GGACT: variants seen among roughly 807,000 people sequenced by gnomAD.
GGACT encodes gamma-glutamylamine cyclotransferase.
For missense variants in GGACT, 241 were observed against 233.2 expected (o/e 1.03, Z -0.22); for synonymous variants, 118 against 115.3 (o/e 1.02, Z -0.15).
chr13:100,561,101 G>T (rs899762756), intron 2 of GGACT, among the ~76,000 whole-genome samples: 1 of 152,222 alleles, frequency 6.6e-6, no homozygotes, highest in East Asian at 1.9e-4. Flanking sequence ...GCCCTCCTAA[G>T]TCTCATCAAG....
At chr13:100,547,665 A>C (rs2088620779) in intron 2 of GGACT, among the ~76,000 whole-genome samples, 1 of 152,180 alleles carries the variant, frequency 6.6e-6, no homozygotes, top group East Asian at 1.9e-4. Flanking sequence ...AAGCATTTCT[A>C]CAGATTTGTG....
intron 2 of GGACT, among the ~76,000 whole-genome samples, chr13:100,563,851 G>A (rs1219002020): frequency 6.6e-6 from 1 of 152,222 alleles, no homozygotes; most frequent in Non-Finnish European, 1.5e-5. Flanking sequence ...TAAAAACCAT[G>A]CTGGAAAGAG....
At position 100,532,444 on chromosome 13, in the gene GGACT, T is replaced by A; in HGVS notation, c.148A>T (p.Ile50Phe). The A allele has an allele frequency of 1.3e-6, 2 of 1,549,872 alleles. No homozygotes were observed. The highest frequency in any genetic ancestry group is 1.2e-5 in the South Asian group (1 of 84,048). Reference sequence around the variant, plus strand: ...CCGGGCAGGTGCAGCAGCCACGGGATGTTGTGCTCCCCCGCGATCACCAAC... The same window carrying A: ...CCGGGCAGGTGCAGCAGCCACGGGAAGTTGTGCTCCCCCGCGATCACCAAC... Reference protein sequence around the residue: ...YPLVIAGEHNIPWLLHLPGSG... With the variant: ...YPLVIAGEHNFPWLLHLPGSG... Residue 50 changes from isoleucine (I) to phenylalanine (F), a missense_variant, in exon 3 of 3, where the codon ATC (isoleucine) becomes TTC (phenylalanine). Ile to Phe is a conservative substitution (Grantham distance 21, BLOSUM62 0). Transcript: ENST00000683975.
intron 2 of GGACT, chr13:100,539,890 A>G (rs2088534943): frequency 3.7e-6 from 4 of 1,084,158 alleles, no homozygotes; most frequent in Non-Finnish European, 5.6e-6. Flanking sequence ...AGTCTTTAAG[A>G]ACTCAGCTCC....
At chr13:100,556,175 A>G (rs1179943902) in intron 2 of GGACT, among the ~76,000 whole-genome samples, 1 of 152,254 alleles carries the variant, frequency 6.6e-6, no homozygotes, top group Non-Finnish European at 1.5e-5. Flanking sequence ...CACTTCAGAA[A>G]GAAAGAAAAC....
At chr13:100,567,818 T>C (rs1249565901) in intron 2 of GGACT, among the ~76,000 whole-genome samples, 3 of 152,208 alleles carry the variant, frequency 2.0e-5, no homozygotes, top group Non-Finnish European at 4.4e-5. Context: ...ATAACTCTCT[T>C]CTTTGACACT....
intron 2 of GGACT, among the ~76,000 whole-genome samples, chr13:100,564,390 C>T (rs2088792331): frequency 6.6e-6 from 1 of 152,156 alleles, no homozygotes; most frequent in African/African-American, 2.4e-5. Context: ...CAACCTTCAC[C>T]TACATGGCAA....
At chr13:100,555,892 C>T (rs566383075) in intron 2 of GGACT, among the ~76,000 whole-genome samples, 5 of 152,282 alleles carry the variant, frequency 3.3e-5, no homozygotes, top group South Asian at 2.1e-4. Flanking sequence ...AACCACATGA[C>T]GATCTCAATA....
chr13:100,548,193 C>A (rs1165313413), intron 2 of GGACT, among the ~76,000 whole-genome samples: 1 of 152,246 alleles, frequency 6.6e-6, no homozygotes, highest in Non-Finnish European at 1.5e-5. Flanking sequence ...GCCACCTGTG[C>A]CTTTCTGCTG....
At chr13:100,566,135 A>T (rs1032663480) in intron 2 of GGACT, among the ~76,000 whole-genome samples, 1 of 152,228 alleles carries the variant, frequency 6.6e-6, no homozygotes, top group Non-Finnish European at 1.5e-5. Context: ...CAGTGCAGCC[A>T]GCACCTGAGT....
In GGACT at chr13:100,532,196, C is replaced by A; in HGVS notation, c.396G>T (p.Pro132=). 1 of 1,476,192 alleles carries A rather than the reference C, an allele frequency of 6.8e-7. No homozygotes were observed. Among genetic ancestry groups the A allele is most frequent in the Non-Finnish European group, 9.0e-7 (1 of 1,106,488 alleles). 91.4% of individuals were successfully genotyped at this position (1,476,192 alleles called of 1,614,324 possible). ...CCTCGGAGTCGTAGCTGTCATGGTG[C>A]GGGAGCTGGGCCCACTCCGGCGGGA... ...ATFPPEWAQL[P]HHDSYDSEGP... is the part of the protein sequence containing the mutation. Residue 132 remains proline (P), a synonymous_variant, in exon 3 of 3, where the codon CCG becomes CCT. Transcript: ENST00000683975.
rs759864478 is a variant in GGACT, at chr13:100,545,991, A to G, written c.-10-13390T>C. Among the ~76,000 whole-genome samples, 2 of 152,200 alleles carry G rather than the reference A, an allele frequency of 1.3e-5. No individual in the cohort carries two copies. Among genetic ancestry groups the G allele is most frequent in the African/African-American group, 2.4e-5 (1 of 41,438 alleles). On this transcript the variant is annotated intron_variant, in intron 2 of 2. Transcript: ENST00000683975. This position sits in a 1 kb window ranked among gnomAD's most constrained non-coding sequence, Gnocchi z 4.4. Reference sequence around the variant, plus strand: ...CCCCCTCTTTTCCTCCATCATCAGTAGGTGAAGGCAGACAGTGTTGATAGA... The same window carrying G: ...CCCCCTCTTTTCCTCCATCATCAGTGGGTGAAGGCAGACAGTGTTGATAGA...
At chr13:100,551,241 G>A (rs1381894931) in intron 2 of GGACT, among the ~76,000 whole-genome samples, 10 of 151,648 alleles carry the variant, frequency 6.6e-5, no homozygotes, top group Non-Finnish European at 1.2e-4. Context: ...CCGAGATCAC[G>A]CCACTGCACT....
chr13:100,542,991 TTTC>T (rs1465978806), intron 2 of GGACT, among the ~76,000 whole-genome samples: 1 of 152,154 alleles, frequency 6.6e-6, no homozygotes, highest in African/African-American at 2.4e-5. Context: ...TTTTTCTTGA[TTTC>T]TTTTTTCTTA....
At position 100,563,266 on chromosome 13, in the gene GGACT, C is replaced by A. The variant is rs1314616809; in HGVS notation, c.-11+20559G>T. Among the ~76,000 whole-genome samples the A allele has an allele frequency of 2.0e-5, 3 of 152,066 alleles. No individual in the cohort carries two copies. In the East Asian group the frequency reaches 5.8e-4, roughly 29 times the overall value. On this transcript the variant is annotated intron_variant, in intron 2 of 2. Coordinates refer to ENST00000683975, the MANE Select transcript of GGACT (RefSeq NM_001195087.2). ...GCATCCACTGATCCAGAACACCCAG[C>A]ACGGGTAAAGCCACAGTGACAGGTA...
chr13:100,576,085 C>G (rs1031565748), intron 2 of GGACT, among the ~76,000 whole-genome samples: 1 of 152,112 alleles, frequency 6.6e-6, no homozygotes, highest in Non-Finnish European at 1.5e-5. Flanking sequence ...TGACTCTTAT[C>G]TATATAATAT....
At chr13:100,585,595 C>G (rs1220015235) in intron 1 of GGACT, among the ~76,000 whole-genome samples, 1 of 151,930 alleles carries the variant, frequency 6.6e-6, no homozygotes, top group African/African-American at 2.4e-5. Context: ...TGGTGAAACC[C>G]CGTCTCTACT....
At chr13:100,581,744 A>G (rs1875424846) in intron 2 of GGACT, among the ~76,000 whole-genome samples, 1 of 152,202 alleles carries the variant, frequency 6.6e-6, no homozygotes, top group Non-Finnish European at 1.5e-5. Flanking sequence ...CCTGCCAATC[A>G]CTATTTCAGT....
At chr13:100,573,296 A>G (rs1258352047) in intron 2 of GGACT, among the ~76,000 whole-genome samples, 1 of 152,090 alleles carries the variant, frequency 6.6e-6, no homozygotes, top group Non-Finnish European at 1.5e-5. Flanking sequence ...ATACTCTTCC[A>G]TTACCCCTTC....
Sources: allele counts gnomAD v4.1 joint callset (sites outside exome capture counted in the v4.1 genomes callset), GRCh38; gene constraint gnomAD v4.1.1; non-coding constraint Gnocchi (gnomAD v3.1); transcripts MANE v1.5; gene names NCBI Gene and HGNC (gene_info 2026-07-23, HGNC 2026-07-21).